SVEP1: variants seen among roughly 807,000 people sequenced by gnomAD.
The protein encoded by SVEP1 is sushi, von Willebrand factor type A, EGF and pentraxin domain containing 1, also known as sushi, von Willebrand factor type A, EGF and pentraxin domain-containing protein 1.
Under a neutral mutation model 367.3 loss-of-function variants are expected in SVEP1, and 164 were observed. The observed-to-expected ratio is 0.45, with a 90% CI of 0.39 to 0.51. The LOEUF (loss-of-function observed/expected upper bound fraction) is 0.51, where lower values mean the gene tolerates loss of function less well. Ranked by LOEUF, SVEP1 falls within the 20% of genes least tolerant of loss-of-function variation. The pLI is 0.00. For missense variants in SVEP1, 4,117 were observed against 4,425.3 expected (o/e 0.93, Z 1.98); for synonymous variants, 1,666 against 1,611.6 (o/e 1.03, Z -0.81).
intron 8 of SVEP1, among the ~76,000 whole-genome samples, chr9:110,493,095 A>T (rs1422715355): frequency 6.6e-6 from 1 of 151,622 alleles, no homozygotes; most frequent in Non-Finnish European, 1.5e-5. Context: ...TCTGCCCTAC[A>T]CTCTGCTCTA....
At chr9:110,542,835 G>C in intron 3 of SVEP1, among the ~76,000 whole-genome samples, 1 of 111,798 alleles carries the variant, frequency 8.9e-6, no homozygotes, top group Admixed American at 1.1e-4. Context: ...GGAGGGGGGA[G>C]GGATAGCATT....
chr9:110,467,643 T>A (rs1314124523), intron 17 of SVEP1, among the ~76,000 whole-genome samples: 1 of 151,356 alleles, frequency 6.6e-6, no homozygotes, highest in East Asian at 1.9e-4. Flanking sequence ...TTACTTTTTT[T>A]TTTTTTTTTT....
intron 46 of SVEP1, among the ~76,000 whole-genome samples, chr9:110,374,066 T>C (rs1827315340): frequency 6.6e-6 from 1 of 152,214 alleles, no homozygotes; most frequent in African/African-American, 2.4e-5. Context: ...ACTTGTGTCA[T>C]GGGAGTTTGT....
intron 1 of SVEP1, among the ~76,000 whole-genome samples, chr9:110,576,227 T>TCACA (rs57822772): frequency 0.13 from 19,006 of 149,958 alleles, 1,307 homozygotes; most frequent in East Asian, 0.19. Flanking sequence ...ATAGGTAGTC[T>TCACA]CACACACACA....
chr9:110,390,800 T>TA (rs938772495), intron 40 of SVEP1, among the ~76,000 whole-genome samples: 11 of 150,830 alleles, frequency 7.3e-5, no homozygotes, highest in South Asian at 4.2e-4. Context: ...GTATTTGCAT[T>TA]AAAAAAAAAT....
intron 8 of SVEP1, among the ~76,000 whole-genome samples, chr9:110,492,017 A>G (rs574921442): frequency 2.4e-4 from 37 of 152,314 alleles, no homozygotes; most frequent in African/African-American, 8.4e-4. Context: ...ATCTAAAAAA[A>G]GATAATAATC....
Position 110,450,051 on chromosome 9 carries a change from C to G in SVEP1, c.4103+8G>C. The G allele has an allele frequency of 6.2e-7, 1 of 1,613,626 alleles. No homozygotes were observed. The highest frequency in any genetic ancestry group is 1.1e-5 in the South Asian group (1 of 91,056). ...AAACAGTGAAAAGAATCAGACTTAG[C>G]CTTTTACCTGAAGCTATTGGCACCG... On this transcript the variant is annotated splice_region_variant and intron_variant, in intron 24 of 47. Coordinates refer to ENST00000374469, the MANE Select transcript of SVEP1 (RefSeq NM_153366.4).
At chr9:110,516,121 T>TAAATCATTATAATATACC (rs1829799490) in intron 3 of SVEP1, among the ~76,000 whole-genome samples, 1 of 150,436 alleles carries the variant, frequency 6.6e-6, no homozygotes, top group South Asian at 2.1e-4. Flanking sequence ...TATAATATAC[T>TAAATCATTATAATATACC]AAATCATTAT....
In SVEP1 at chr9:110,429,220, A is replaced by G. The variant is rs1828309953; in HGVS notation, c.5730T>C (p.Asn1910=). ...TCAAAATATATTTTCCATTATTTAT[A>G]TTTTCCGGACTAGAACACTTCACTG... ...CEPVKCSSPE[N]INNGKYILSG... is the part of the protein sequence containing the mutation. The change falls in exon 35 of 48, where the codon AAT becomes AAC. Residue 1910 remains asparagine, a synonymous_variant. Coordinates refer to ENST00000374469, the MANE Select transcript of SVEP1 (RefSeq NM_153366.4). 1.3e-6 allele frequency: 2 copies of G among 1,596,404 alleles called. No individual in the cohort carries two copies.
At chr9:110,426,392 G>A (rs1157175339) in intron 36 of SVEP1, among the ~76,000 whole-genome samples, 1 of 151,308 alleles carries the variant, frequency 6.6e-6, no homozygotes, top group East Asian at 1.9e-4. Context: ...TTTTTTTCTG[G>A]TTAGGCCATG....
At chr9:110,482,155 T>C (rs929212423) in intron 11 of SVEP1, among the ~76,000 whole-genome samples, 1 of 152,182 alleles carries the variant, frequency 6.6e-6, no homozygotes, top group African/African-American at 2.4e-5. Flanking sequence ...GTTAACAAAA[T>C]GTTAACTAAA....
At position 110,507,315 on chromosome 9, in the gene SVEP1, T is replaced by C. The variant is rs147034365; in HGVS notation, c.1304-4098A>G. 3.5e-3 allele frequency among the ~76,000 whole-genome samples: 538 copies of C among 152,310 alleles called. 2 individuals carry two copies. Among genetic ancestry groups the C allele is most frequent in the African/African-American group, 0.012 (499 of 41,572 alleles). Reference sequence around the variant, plus strand: ...CTGCATTTGCCAATTGTTCATACCATGCATACATTTAGTTACGTCAAAGAC... The same window carrying C: ...CTGCATTTGCCAATTGTTCATACCACGCATACATTTAGTTACGTCAAAGAC... On this transcript the variant is annotated intron_variant, in intron 5 of 47. Transcript: ENST00000374469.
intron 47 of SVEP1, 37 bp downstream of exon 47, chr9:110,369,886 C>CAT (rs1272342439): frequency 1.3e-6 from 2 of 1,563,254 alleles, no homozygotes; most frequent in Non-Finnish European, 1.8e-6. Context: ...TTAGAGTCTT[C>CAT]ATGTTATAGG....
At chr9:110,436,991 G>A (rs961281961) in intron 27 of SVEP1, among the ~76,000 whole-genome samples, 7 of 152,110 alleles carry the variant, frequency 4.6e-5, no homozygotes, top group Non-Finnish European at 8.8e-5. Context: ...TGTATCAGCT[G>A]TTTCTGTTAA....
chr9:110,569,910 G>A (rs1036555543), intron 1 of SVEP1, among the ~76,000 whole-genome samples: 8 of 152,154 alleles, frequency 5.3e-5, no homozygotes, highest in African/African-American at 1.9e-4. Context: ...CTATGAGAAA[G>A]ACATACAGCA....
intron 18 of SVEP1, among the ~76,000 whole-genome samples, chr9:110,461,373 A>G (rs1828855045): frequency 6.6e-6 from 1 of 152,226 alleles, no homozygotes; most frequent in South Asian, 2.1e-4. Flanking sequence ...TGAGAAAACT[A>G]TTAAAAATAC....
intron 42 of SVEP1, among the ~76,000 whole-genome samples, chr9:110,386,849 ATTG>A (rs1827531734): frequency 6.6e-6 from 1 of 152,240 alleles, no homozygotes; most frequent in East Asian, 1.9e-4. Flanking sequence ...GCTTGTGAAT[ATTG>A]TTTTCATTCG....
At chr9:110,539,736 G>A (rs7046027) in intron 3 of SVEP1, among the ~76,000 whole-genome samples, 102,819 of 151,458 alleles carry the variant, frequency 0.68, 35,854 homozygotes, top group Admixed American at 0.77. Context: ...CTTGCACAGA[G>A]GGGCCATGCT....
At chr9:110,431,224 T>TAC (rs1184359532) in intron 32 of SVEP1, among the ~76,000 whole-genome samples, 12 of 152,200 alleles carry the variant, frequency 7.9e-5, no homozygotes, top group African/African-American at 2.9e-4. Flanking sequence ...AGAGAAAAGT[T>TAC]ACTTATGGAA....
Sources: gnomAD v4.1 joint callset for allele counts (sites outside exome capture counted in the v4.1 genomes callset) on GRCh38, gnomAD v4.1.1 for gene constraint, MANE v1.5 for transcripts, NCBI Gene and HGNC (gene_info 2026-07-23, HGNC 2026-07-21) for gene names.